The following ASB18 variants were observed in gnomAD, a reference collection of about 807,000 sequenced individuals.
ASB18 encodes the protein ankyrin repeat and SOCS box containing 18.
A neutral mutation model predicts 33.4 loss-of-function variants in ASB18; 33 were observed. The ratio of observed to expected loss-of-function variants is 0.99; its 90% CI spans 0.75 to 1.32. The LOEUF is 1.32. Ranked by LOEUF, ASB18 falls within the 40% of genes most tolerant of loss-of-function variation. The probability of loss-of-function intolerance (pLI) is 0.00; values close to 1 mark genes in which losing one functional copy is unlikely to be tolerated. For synonymous variants in ASB18, 295 were observed against 307.6 expected (o/e 0.96, Z 0.43); for missense variants, 694 against 655.5 (o/e 1.06, Z -0.64).
Position 236,214,129 on chromosome 2 carries a change from C to CT in ASB18, c.1101+232dup, listed in dbSNP as rs1286622062. The CT allele has an allele frequency of 5.5e-6, 3 of 545,832 alleles. No individual in the cohort carries two copies. In the African/African-American group the frequency reaches 6.1e-5, roughly 11 times the overall value. The allele number at this position is 545,832 out of a possible 1,614,324, so 33.8% of individuals were successfully genotyped here. ...CTCTAACCAGAAGGCTTCTAGGCCC[C>CT]TGTTCCTCAAAATGGGGTCCCAGGA... is the stretch of plus-strand genomic sequence containing the variant. On this transcript the variant is annotated intron_variant, in intron 4 of 5. Transcript: ENST00000409749. This position sits in a 1 kb window ranked among gnomAD's most constrained non-coding sequence, Gnocchi z 6.5.
At chr2:236,201,073 A>C (rs1441797521) in intron 4 of ASB18, among the ~76,000 whole-genome samples, 1 of 152,110 alleles carries the variant, frequency 6.6e-6, no homozygotes, top group South Asian at 2.1e-4. Context: ...GAACGTTGGT[A>C]GGGTCATAGC....
intron 4 of ASB18, among the ~76,000 whole-genome samples, chr2:236,198,495 G>C (rs1226876683): frequency 1.3e-5 from 2 of 152,104 alleles, no homozygotes; most frequent in South Asian, 2.1e-4. Context: ...AGCCTCCCAA[G>C]TAGCTGGGAC....
chr2:236,254,287 A>G (rs912104229), intron 1 of ASB18: 7 of 152,352 alleles, frequency 4.6e-5, no homozygotes, highest in Admixed American at 1.3e-4. Context: ...ATCTCCATAT[A>G]TCGAACTGAT....
rs764589350 is a variant in ASB18 at position 236,251,284 on chromosome 2, G to A, written c.206-9882C>T. Among the ~76,000 whole-genome samples the A allele has an allele frequency of 1.3e-5, 2 of 152,178 alleles. No individual in the cohort carries two copies. Among genetic ancestry groups the A allele is most frequent in the South Asian group, 2.1e-4 (1 of 4,832 alleles). Reference sequence around the variant, plus strand: ...CCCAATCCTCAGCGTGCACAACCACGAGTAAATAGCCCTGGAAGGACATTT... The same window carrying A: ...CCCAATCCTCAGCGTGCACAACCACAAGTAAATAGCCCTGGAAGGACATTT... On this transcript the variant is annotated intron_variant, in intron 1 of 5. Transcript: ENST00000409749. This position sits in a 1 kb window ranked among gnomAD's most constrained non-coding sequence, Gnocchi z 5.3.
In ASB18 at chr2:236,237,911, C is replaced by T; in HGVS notation, c.374G>A (p.Cys125Tyr). The change falls in exon 3 of 6, where the codon TGC becomes TAC. Residue 125 changes from cysteine to tyrosine, a missense_variant. Physicochemically the swap from Cys to Tyr is radical, Grantham distance 194 (BLOSUM62 -2). Coordinates refer to ENST00000409749, the MANE Select transcript of ASB18 (RefSeq NM_212556.4). The surrounding 1 kb of genome is among the most constrained non-coding windows in gnomAD (Gnocchi z 6.2). ...GGTGTGGCCGTGGGCCGCGGCGATGCACAGGGGCGTGGTGAGCTCACGCTT... is the reference window on the plus strand; with the variant it reads ...GGTGTGGCCGTGGGCCGCGGCGATGTACAGGGGCGTGGTGAGCTCACGCTT... ...EYKRELTTPL[C>Y]IAAAHGHTAC... is the part of the protein sequence containing the mutation. 1.3e-6 allele frequency: 2 copies of T among 1,504,104 alleles called. No homozygotes were observed. The highest frequency in any genetic ancestry group is 8.8e-7 in the Non-Finnish European group (1 of 1,132,994). The allele number at this position is 1,504,104 out of a possible 1,614,324, so 93.2% of individuals were successfully genotyped here.
rs1028059767 is a variant in ASB18, at chr2:236,251,468, T to C, written c.206-10066A>G. ...GCGTGTTCAGACTGATTGTTTTTTATGAATCTCACACAGGGAGCAAAATAC... is the reference window on the plus strand; with the variant it reads ...GCGTGTTCAGACTGATTGTTTTTTACGAATCTCACACAGGGAGCAAAATAC... On this transcript the variant is annotated intron_variant, in intron 1 of 5. Coordinates refer to ENST00000409749, the MANE Select transcript of ASB18 (RefSeq NM_212556.4). This position sits in a 1 kb window ranked among gnomAD's most constrained non-coding sequence, Gnocchi z 5.3. Among the ~76,000 whole-genome samples the C allele has an allele frequency of 2.0e-5, 3 of 152,232 alleles. No homozygotes were observed. The highest frequency in any genetic ancestry group is 7.2e-5 in the African/African-American group (3 of 41,462).
chr2:236,193,786 A>C lies in ASB18; in HGVS notation c.*1086T>G, dbSNP rs942532008. Among the ~76,000 whole-genome samples the C allele has an allele frequency of 6.7e-5, 10 of 149,248 alleles. No individual in the cohort carries two copies. The highest frequency in any genetic ancestry group is 2.1e-4 in the South Asian group (1 of 4,680). ...CAAAACAAACAAACAAACAAACAAA[A>C]AAACAAAAAAGAAACAAGACTGATT... is the stretch of plus-strand genomic sequence containing the variant. On this transcript the variant is annotated 3_prime_UTR_variant, in exon 6 of 6. Coordinates refer to ENST00000409749, the MANE Select transcript of ASB18 (RefSeq NM_212556.4). The surrounding 1 kb of genome is among the most constrained non-coding windows in gnomAD (Gnocchi z 5.0).
Position 236,238,474 on chromosome 2 carries a change from C to T in ASB18, c.329-518G>A, listed in dbSNP as rs2060606687. On this transcript the variant is annotated intron_variant, in intron 2 of 5. Transcript: ENST00000409749. The surrounding 1 kb of genome is among the most constrained non-coding windows in gnomAD (Gnocchi z 5.2). ...AACAGACAAAACAAACTGACCCACA[C>T]ATCACCAAGGTTGTTCAAGAAAAGG... 6.6e-6 allele frequency among the ~76,000 whole-genome samples: 1 copy of T among 152,208 alleles called. No homozygotes were observed. The highest frequency in any genetic ancestry group is 2.1e-4 in the South Asian group (1 of 4,834).
intron 2 of ASB18, among the ~76,000 whole-genome samples, chr2:236,240,501 T>C (rs1452173578): frequency 6.6e-6 from 1 of 152,208 alleles, no homozygotes; most frequent in Non-Finnish European, 1.5e-5. Context: ...TGCTGTAGAT[T>C]CCAACGCATG....
At position 236,241,095 on chromosome 2, in the gene ASB18, G is replaced by T. The variant is rs1490981787; in HGVS notation, c.328+185C>A. 6.6e-6 allele frequency among the ~76,000 whole-genome samples: 1 copy of T among 152,050 alleles called. No individual in the cohort carries two copies. Among genetic ancestry groups the T allele is most frequent in the Non-Finnish European group, 1.5e-5 (1 of 68,012 alleles). On this transcript the variant is annotated intron_variant, in intron 2 of 5. Transcript: ENST00000409749. The surrounding 1 kb of genome is among the most constrained non-coding windows in gnomAD (Gnocchi z 4.2). ...AATCGCTGCTTTGCCTTTCCAACTG[G>T]ATCTCTTATAGGCCATCACCTAAAA...
intron 1 of ASB18, among the ~76,000 whole-genome samples, chr2:236,243,200 G>C (rs541901604): frequency 1.3e-5 from 2 of 151,392 alleles, no homozygotes; most frequent in Non-Finnish European, 2.9e-5. Context: ...TGTGGTGGTG[G>C]GCGCCTGTAG....
At chr2:236,246,201 A>G (rs896117616) in intron 1 of ASB18, among the ~76,000 whole-genome samples, 3 of 151,880 alleles carry the variant, frequency 2.0e-5, no homozygotes, top group African/African-American at 7.3e-5. Flanking sequence ...AAAAATATAA[A>G]AATTAGCCTG....
chr2:236,252,267 TCACACACACACACACACA>T lies in ASB18; in HGVS notation c.206-10883_206-10866del, dbSNP rs113672805. ...GCCTTGGCAACAGAGTGAGACTCCG[TCACACACACACACACACA>T]CACACACACACACACACACACACAG... On this transcript the variant is annotated intron_variant, in intron 1 of 5. Transcript: ENST00000409749. The surrounding 1 kb of genome is among the most constrained non-coding windows in gnomAD (Gnocchi z 7.9). Among the ~76,000 whole-genome samples, 7,888 of 138,664 alleles carry T rather than the reference TCACACACACACACACACA, an allele frequency of 0.057. 420 individuals are homozygous for T. Among genetic ancestry groups the T allele is most frequent in the African/African-American group, 0.14 (5,526 of 38,878 alleles). 91.0% of individuals were successfully genotyped at this position (138,664 alleles called of 152,430 possible).
chr2:236,193,524 T>C lies in ASB18; in HGVS notation c.*1348A>G, dbSNP rs1438990007. On this transcript the variant is annotated 3_prime_UTR_variant, in exon 6 of 6. Coordinates refer to ENST00000409749, the MANE Select transcript of ASB18 (RefSeq NM_212556.4). This position sits in a 1 kb window ranked among gnomAD's most constrained non-coding sequence, Gnocchi z 5.0. ...GAAACAAAACTGATTCGGCAGGGCA[T>C]GGTGACTCATGCCTGTAATCCCAGC... 6.6e-6 allele frequency among the ~76,000 whole-genome samples: 1 copy of C among 152,216 alleles called. No homozygotes were observed. The highest frequency in any genetic ancestry group is 1.9e-4 in the East Asian group (1 of 5,188).
chr2:236,196,708 C>T lies in ASB18; in HGVS notation c.1102-323G>A, dbSNP rs2060375774. On this transcript the variant is annotated intron_variant, in intron 4 of 5. Coordinates refer to ENST00000409749, the MANE Select transcript of ASB18 (RefSeq NM_212556.4). The surrounding 1 kb of genome is among the most constrained non-coding windows in gnomAD (Gnocchi z 5.6). ...TGGTGGCTTGGCAGGCCTCCTTGGC[C>T]CCCAGAGAGCTGCTCAGAGAAAAGG... Among the ~76,000 whole-genome samples the T allele has an allele frequency of 1.3e-5, 2 of 152,146 alleles. No homozygotes were observed. The highest frequency in any genetic ancestry group is 6.5e-5 in the Admixed American group (1 of 15,268).
intron 3 of ASB18, among the ~76,000 whole-genome samples, chr2:236,233,120 T>A (rs1235132497): frequency 6.6e-6 from 1 of 152,128 alleles, no homozygotes; most frequent in African/African-American, 2.4e-5. Flanking sequence ...ATCCCAGGAA[T>A]GCAAGGTTGG....
intron 4 of ASB18, among the ~76,000 whole-genome samples, chr2:236,201,078 C>T (rs1279157719): frequency 6.6e-6 from 1 of 152,112 alleles, no homozygotes; most frequent in Non-Finnish European, 1.5e-5. Flanking sequence ...TTGGTAGGGT[C>T]ATAGCCAAGA....
chr2:236,240,264 T>C (rs1340680178), intron 2 of ASB18, among the ~76,000 whole-genome samples: 2 of 152,162 alleles, frequency 1.3e-5, no homozygotes, highest in Non-Finnish European at 2.9e-5. Context: ...CCATTTGCCT[T>C]TCCTGCAGCC....
Position 236,195,043 on chromosome 2 carries a change from G to C in ASB18, c.1230C>G (p.Phe410Leu). The C allele has an allele frequency of 6.2e-7, 1 of 1,611,328 alleles. No individual in the cohort carries two copies. Among genetic ancestry groups the C allele is most frequent in the East Asian group, 2.2e-5 (1 of 44,816 alleles). ...PEEVFQMHKPFYQSLFALALT... is the reference protein window; with the variant it reads ...PEEVFQMHKPLYQSLFALALT... ...GGGCCAAGGCAAAGAGGGACTGGTAGAACGGCTTGTGCATCTGGAAGGGAA... is the reference window on the plus strand; with the variant it reads ...GGGCCAAGGCAAAGAGGGACTGGTACAACGGCTTGTGCATCTGGAAGGGAA... The change falls in exon 6 of 6, where the codon TTC (phenylalanine) becomes TTG (leucine). Residue 410 changes from phenylalanine to leucine, a missense_variant. By Grantham distance (22) the Phe-to-Leu change is conservative. Coordinates refer to ENST00000409749, the MANE Select transcript of ASB18 (RefSeq NM_212556.4). This position sits in a 1 kb window ranked among gnomAD's most constrained non-coding sequence, Gnocchi z 5.5.
Sources: allele counts gnomAD v4.1 joint callset (sites outside exome capture counted in the v4.1 genomes callset), GRCh38; gene constraint gnomAD v4.1.1; non-coding constraint Gnocchi (gnomAD v3.1); transcripts MANE v1.5; gene names NCBI Gene and HGNC (gene_info 2026-07-23, HGNC 2026-07-21).